The following WWTR1 variants were observed in gnomAD, a reference collection of about 807,000 sequenced individuals.
WWTR1 encodes WW domain-containing transcription regulator protein 1.
Under a neutral mutation model 40.1 loss-of-function variants are expected in WWTR1, and 13 were observed. The observed-to-expected ratio is 0.32, with a 90% CI of 0.21 to 0.52. WWTR1 has a LOEUF of 0.52. WWTR1 is among the 20% of genes least tolerant of loss of function. The probability of loss-of-function intolerance (pLI) is 0.97; values close to 1 mark genes in which losing one functional copy is unlikely to be tolerated. For missense variants in WWTR1, 436 were observed against 523.1 expected, an observed-to-expected ratio of 0.83 and a Z score of 1.63; for synonymous variants, 230 against 210.1, an observed-to-expected ratio of 1.09 and a Z score of -0.82.
chr3:149,670,467 A>G (rs2108190044), intron 1 of WWTR1, among the ~76,000 whole-genome samples: 1 of 152,110 alleles, frequency 6.6e-6, no homozygotes, highest in East Asian at 1.9e-4. Context: ...AGTTTTCCAT[A>G]TCCAGTGCTA....
intron 3 of WWTR1, among the ~76,000 whole-genome samples, chr3:149,571,188 G>A (rs1737604677): frequency 6.7e-6 from 1 of 149,612 alleles, no homozygotes; most frequent in Non-Finnish European, 1.5e-5. Context: ...GAGATTGGAG[G>A]AAGTGTTTGA....
At chr3:149,716,381 CA>C (rs75155401) in intron 5 of WWTR1, among the ~76,000 whole-genome samples, 2 of 149,760 alleles carry the variant, frequency 1.3e-5, no homozygotes, top group Non-Finnish European at 3.0e-5. Context: ...GACTCCATCT[CA>C]AAAAAAAATA....
At chr3:149,695,856 T>A (rs1241391494) in intron 1 of WWTR1, among the ~76,000 whole-genome samples, 1 of 150,206 alleles carries the variant, frequency 6.7e-6, no homozygotes, top group East Asian at 1.9e-4. Context: ...CTCATGCCTG[T>A]AATCCCAGCA....
upstream of WWTR1, among the ~76,000 whole-genome samples, chr3:149,705,289 T>C (rs745719954): frequency 6.6e-6 from 1 of 152,158 alleles, no homozygotes; most frequent in African/African-American, 2.4e-5. Context: ...AGCTGCCAGA[T>C]TGATAGCGCC....
At chr3:149,563,698 T>C (rs1737185468) in intron 3 of WWTR1, among the ~76,000 whole-genome samples, 1 of 152,204 alleles carries the variant, frequency 6.6e-6, no homozygotes, top group Non-Finnish European at 1.5e-5. Context: ...ATTTTTATTA[T>C]ACTGGCATTT....
At chr3:149,676,990 C>T (rs6766835) in intron 1 of WWTR1, among the ~76,000 whole-genome samples, 55,575 of 150,728 alleles carry the variant, frequency 0.37, 10,587 homozygotes, top group Middle Eastern at 0.54. Flanking sequence ...GATCTTGGCT[C>T]ACTGCAACGT....
intron 1 of WWTR1, among the ~76,000 whole-genome samples, chr3:149,674,273 TTCTC>T (rs1325271141): frequency 1.3e-5 from 2 of 149,738 alleles, no homozygotes. Flanking sequence ...CTCTATCTCT[TTCTC>T]TCTCACACAC....
intron 2 of WWTR1, among the ~76,000 whole-genome samples, chr3:149,651,984 C>A (rs764252237): frequency 1.4e-5 from 2 of 138,716 alleles, no homozygotes; most frequent in African/African-American, 2.7e-5. Context: ...CGCTGCCACG[C>A]CCGGCTAATT....
At chr3:149,629,110 G>A (rs1363511892) in intron 2 of WWTR1, among the ~76,000 whole-genome samples, 1 of 152,206 alleles carries the variant, frequency 6.6e-6, no homozygotes, top group Non-Finnish European at 1.5e-5. Context: ...GTATTTGAAG[G>A]AAAGGTTCAG....
intron 2 of WWTR1, among the ~76,000 whole-genome samples, chr3:149,589,759 T>TA (rs1294231352): frequency 3.3e-5 from 5 of 151,164 alleles, no homozygotes; most frequent in African/African-American, 1.2e-4. Context: ...CAGCAGACAT[T>TA]AAAAAACTAC....
At chr3:149,592,002 T>C (rs1738747930) in intron 2 of WWTR1, among the ~76,000 whole-genome samples, 2 of 152,244 alleles carry the variant, frequency 1.3e-5, no homozygotes, top group Admixed American at 6.5e-5. Flanking sequence ...AATCTACTTC[T>C]CCGGTAACAA....
At position 149,622,494 on chromosome 3, in the gene WWTR1, G is replaced by GAAAGAAAGA. The variant is rs1560089693; in HGVS notation, c.431+34381_431+34382insTCTTTCTTT. ...GGAAGGAAGGAAGGAAGGAAGGAAG[G>GAAAGAAAGA]AAGGAAGGAAGAAAGAAAGAAAGAA... On this transcript the variant is annotated intron_variant, in intron 2 of 6. Coordinates refer to ENST00000360632, the MANE Select transcript of WWTR1 (RefSeq NM_015472.6). Among the ~76,000 whole-genome samples, 110 of 44,710 alleles carry GAAAGAAAGA rather than the reference G, an allele frequency of 2.5e-3. 2 individuals are homozygous for GAAAGAAAGA. Among genetic ancestry groups the GAAAGAAAGA allele is most frequent in the East Asian group, 9.5e-3 (20 of 2,116 alleles). 29.3% of individuals were successfully genotyped at this position (44,710 alleles called of 152,430 possible).
At chr3:149,645,180 C>T (rs532301841) in intron 2 of WWTR1, among the ~76,000 whole-genome samples, 92 of 152,052 alleles carry the variant, frequency 6.1e-4, no homozygotes, top group Non-Finnish European at 1.0e-3. Flanking sequence ...CCCAGGTTCG[C>T]GCCATTCTCC....
chr3:149,694,319 G>A (rs1045149182), intron 1 of WWTR1, among the ~76,000 whole-genome samples: 5 of 152,160 alleles, frequency 3.3e-5, no homozygotes, highest in South Asian at 2.1e-4. Flanking sequence ...GCTTGAACCC[G>A]GGAGGCAGAG....
At chr3:149,579,875 A>G (rs1017243177) in intron 2 of WWTR1, among the ~76,000 whole-genome samples, 2 of 152,242 alleles carry the variant, frequency 1.3e-5, no homozygotes, top group African/African-American at 4.8e-5. Flanking sequence ...ACTCAGTCCA[A>G]TTAGACCCAC....
chr3:149,663,423 C>G (rs1713671037), intron 2 of WWTR1, among the ~76,000 whole-genome samples: 1 of 152,030 alleles, frequency 6.6e-6, no homozygotes, highest in Non-Finnish European at 1.5e-5. Flanking sequence ...AGGTCAGGCG[C>G]AGTGGCTCAC....
chr3:149,547,061 A>T (rs554519765), intron 3 of WWTR1, among the ~76,000 whole-genome samples: 1 of 152,114 alleles, frequency 6.6e-6, no homozygotes, highest in Non-Finnish European at 1.5e-5. Context: ...GTTCCTTAAA[A>T]CCACCGCTTT....
chr3:149,597,472 A>G (rs1161854901), intron 2 of WWTR1, among the ~76,000 whole-genome samples: 2 of 151,588 alleles, frequency 1.3e-5, no homozygotes, highest in Admixed American at 1.3e-4. Context: ...AGAAGGAAAA[A>G]AAAAAGAAAA....
intron 2 of WWTR1, among the ~76,000 whole-genome samples, chr3:149,580,390 A>G (rs149654804): frequency 1.3e-5 from 2 of 152,200 alleles, no homozygotes; most frequent in Non-Finnish European, 2.9e-5. Context: ...CTCTGCTGTC[A>G]CCTAAAACCA....
Sources: allele counts gnomAD v4.1 joint callset (sites outside exome capture counted in the v4.1 genomes callset), GRCh38; gene constraint gnomAD v4.1.1; transcripts MANE v1.5; gene names NCBI Gene and HGNC (gene_info 2026-07-23, HGNC 2026-07-21).